The following FSTL5 variants were observed in gnomAD, a reference collection of about 807,000 sequenced individuals.
FSTL5 encodes the protein follistatin like 5, also known as follistatin-related protein 5.
FSTL5 carries 62 observed loss-of-function variants against 89.1 expected under a neutral mutation model. The ratio of observed to expected loss-of-function variants is 0.70; its 90% confidence interval spans 0.57 to 0.86. The LOEUF is 0.86. Ranked by LOEUF, FSTL5 falls within the 40% of genes least tolerant of loss-of-function variation. The pLI is 0.00. For synonymous variants in FSTL5, 383 were observed against 346.2 expected, an observed-to-expected ratio of 1.11 and a Z score of -1.18; for missense variants, 1,057 against 1,001.6, an observed-to-expected ratio of 1.06 and a Z score of -0.75.
At chr4:161,711,571 C>T (rs1468685182) in intron 6 of FSTL5, among the ~76,000 whole-genome samples, 2 of 151,880 alleles carry the variant, frequency 1.3e-5, no homozygotes, top group African/African-American at 4.8e-5. Flanking sequence ...AAATTTCTAC[C>T]AAACATTTTT....
At chr4:162,033,957 C>G (rs13125650) in intron 2 of FSTL5, among the ~76,000 whole-genome samples, 38,344 of 151,926 alleles carry the variant, frequency 0.25, 5,419 homozygotes, top group Non-Finnish European at 0.32. Flanking sequence ...TATCATTATG[C>G]CAGGCTAATA....
At chr4:161,551,782 T>C (rs575535360) in intron 8 of FSTL5, among the ~76,000 whole-genome samples, 1 of 152,028 alleles carries the variant, frequency 6.6e-6, no homozygotes, top group Non-Finnish European at 1.5e-5. Context: ...TGGCTAGCCA[T>C]ATGTAGAAAG....
At chr4:162,027,556 TCTCA>T (rs1334625171) in intron 3 of FSTL5, among the ~76,000 whole-genome samples, 7 of 152,114 alleles carry the variant, frequency 4.6e-5, no homozygotes, top group African/African-American at 1.7e-4. Context: ...AAAACATAAA[TCTCA>T]CTCACATAAA....
At chr4:161,755,951 T>G (rs867004065) in intron 6 of FSTL5, among the ~76,000 whole-genome samples, 1 of 151,984 alleles carries the variant, frequency 6.6e-6, no homozygotes, top group Non-Finnish European at 1.5e-5. Flanking sequence ...TGGAGAGAGA[T>G]AAAGAAATCG....
At chr4:161,949,761 G>A (rs1041947543) in intron 3 of FSTL5, among the ~76,000 whole-genome samples, 1 of 149,908 alleles carries the variant, frequency 6.7e-6, no homozygotes, top group African/African-American at 2.4e-5. Flanking sequence ...ATAAGTCCAA[G>A]CTAAAAGTTT....
chr4:162,111,339 C>A lies in FSTL5; in HGVS notation c.58G>T (p.Gly20Ter). ...TATCCTCCTTCTTTGGTTGGCCTTCCTTCCGACTCCAGAAAAATGAATCCG... is the reference window on the plus strand; with the variant it reads ...TATCCTCCTTCTTTGGTTGGCCTTCATTCCGACTCCAGAAAAATGAATCCG... Reference protein sequence around the residue: ...VLGFIFLESEGRPTKEGGYGL... With the variant: ...VLGFIFLESE The change falls in exon 2 of 16, where the codon GGA becomes TGA. Residue 20 changes from glycine (G) to a stop codon, truncating the protein, a stop_gained. Transcript: ENST00000306100. LOFTEE classifies it high-confidence loss of function. The A allele has an allele frequency of 6.2e-7, 1 of 1,612,096 alleles. No individual in the cohort carries two copies. Among genetic ancestry groups the A allele is most frequent in the Non-Finnish European group, 8.5e-7 (1 of 1,178,588 alleles).
chr4:161,519,669 G>A (rs1730960557), intron 10 of FSTL5, among the ~76,000 whole-genome samples: 1 of 152,170 alleles, frequency 6.6e-6, no homozygotes, highest in Non-Finnish European at 1.5e-5. Flanking sequence ...CTGTCAGAAA[G>A]TGACTTGATT....
chr4:161,598,355 A>T (rs1227521029), intron 7 of FSTL5, among the ~76,000 whole-genome samples: 1 of 148,928 alleles, frequency 6.7e-6, no homozygotes, highest in Non-Finnish European at 1.5e-5. Context: ...AGCCTCAGTG[A>T]CAGAGTGAGA....
intron 15 of FSTL5, among the ~76,000 whole-genome samples, chr4:161,392,662 T>G (rs1730860385): frequency 6.6e-6 from 1 of 152,178 alleles, no homozygotes; most frequent in South Asian, 2.1e-4. Context: ...AATTGGTTGT[T>G]CTTCCTAATT....
intron 10 of FSTL5, among the ~76,000 whole-genome samples, chr4:161,515,077 T>G (rs1486215436): frequency 2.0e-5 from 3 of 152,140 alleles, no homozygotes; most frequent in Non-Finnish European, 4.4e-5. Flanking sequence ...AACTTAAAAA[T>G]TATATATATT....
chr4:161,759,593 T>A, intron 5 of FSTL5, 62 bp from the exon 6 acceptor site: 4 of 1,008,112 alleles, frequency 4.0e-6, no homozygotes, highest in African/African-American at 1.7e-5. Context: ...ATAATATAAT[T>A]TATTATATGT....
chr4:161,811,846 C>G (rs1293682070), intron 4 of FSTL5, among the ~76,000 whole-genome samples: 3 of 152,224 alleles, frequency 2.0e-5, no homozygotes, highest in Admixed American at 6.5e-5. Context: ...TAGAATTTAT[C>G]TCAAATAAGC....
At chr4:161,990,985 C>G (rs1437964721) in intron 3 of FSTL5, among the ~76,000 whole-genome samples, 1 of 151,906 alleles carries the variant, frequency 6.6e-6, no homozygotes, top group African/African-American at 2.4e-5. Flanking sequence ...AATGGAGTCC[C>G]AGAAGTAAGC....
intron 3 of FSTL5, among the ~76,000 whole-genome samples, chr4:162,021,174 T>C (rs1737068612): frequency 6.6e-6 from 1 of 152,174 alleles, no homozygotes; most frequent in Non-Finnish European, 1.5e-5. Context: ...TTGCAATGGA[T>C]ACAGTATAGT....
At chr4:161,916,311 A>G (rs1172702808) in intron 4 of FSTL5, among the ~76,000 whole-genome samples, 6 of 152,116 alleles carry the variant, frequency 3.9e-5, no homozygotes, top group Non-Finnish European at 8.8e-5. Flanking sequence ...CATAGGTTAT[A>G]TCTTAAGTTT....
At chr4:161,989,430 A>G (rs1185215650) in intron 3 of FSTL5, among the ~76,000 whole-genome samples, 1 of 152,182 alleles carries the variant, frequency 6.6e-6, no homozygotes, top group Non-Finnish European at 1.5e-5. Context: ...GATATCAAAA[A>G]TATTACAGCA....
At chr4:161,786,948 C>G (rs1202849689) in intron 4 of FSTL5, among the ~76,000 whole-genome samples, 1 of 152,022 alleles carries the variant, frequency 6.6e-6, no homozygotes, top group Non-Finnish European at 1.5e-5. Flanking sequence ...GCAAGATAAA[C>G]AAATAAATGT....
intron 6 of FSTL5, among the ~76,000 whole-genome samples, chr4:161,710,027 G>A (rs1013256401): frequency 1.3e-4 from 19 of 151,974 alleles, no homozygotes; most frequent in African/African-American, 2.9e-4. Context: ...GGAGTGTAGC[G>A]GCGTGATCAT....
intron 6 of FSTL5, among the ~76,000 whole-genome samples, chr4:161,682,873 A>G (rs1737571939): frequency 6.6e-6 from 1 of 151,934 alleles, no homozygotes; most frequent in South Asian, 2.1e-4. Context: ...TAGCTTCCCA[A>G]GTAGCTAGGA....
Sources: allele counts gnomAD v4.1 joint callset (sites outside exome capture counted in the v4.1 genomes callset), GRCh38; gene constraint gnomAD v4.1.1; transcripts MANE v1.5; gene names NCBI Gene and HGNC (gene_info 2026-07-23, HGNC 2026-07-21).